Variants in PCBD2 observed in about 807,000 individuals in gnomAD.
PCBD2 encodes the protein pterin-4 alpha-carbinolamine dehydratase 2.
In PCBD2, 12 loss-of-function variants were observed where a neutral mutation model predicts 16.4. That is an observed-to-expected ratio of 0.73 (90% CI 0.47 to 1.19). The LOEUF is 1.19. PCBD2 is among the 50% of genes most tolerant of loss of function. The pLI, the probability that PCBD2 is intolerant of heterozygous loss-of-function variation, is 0.00. For missense variants in PCBD2, 138 were observed against 156.8 expected, an observed-to-expected ratio of 0.88 and a Z score of 0.64; for synonymous variants, 58 against 61.8, an observed-to-expected ratio of 0.94 and a Z score of 0.29.
At chr5:134,945,995 G>T (rs1751291339) in intron 2 of PCBD2, among the ~76,000 whole-genome samples, 1 of 151,818 alleles carries the variant, frequency 6.6e-6, no homozygotes, top group Non-Finnish European at 1.5e-5. Context: ...TAGGGTTTAA[G>T]TGCTAAGCTT....
chr5:134,926,523 T>G (rs969185482), intron 2 of PCBD2: 4 of 395,226 alleles, frequency 1.0e-5, no homozygotes, highest in African/African-American at 8.3e-5. Context: ...CTGTTATCCT[T>G]TAAAAGTTGA....
At chr5:134,933,821 T>C (rs1212339664) in intron 2 of PCBD2, among the ~76,000 whole-genome samples, 2 of 152,148 alleles carry the variant, frequency 1.3e-5, no homozygotes, top group Non-Finnish European at 2.9e-5. Flanking sequence ...ATCACCTAGA[T>C]AGAATTGATC....
At chr5:134,944,644 T>A (rs759229060) in intron 2 of PCBD2, among the ~76,000 whole-genome samples, 4 of 152,098 alleles carry the variant, frequency 2.6e-5, no homozygotes, top group Non-Finnish European at 4.4e-5. Context: ...CCATAAATGA[T>A]TTTGAGGGTG....
intron 2 of PCBD2, among the ~76,000 whole-genome samples, chr5:134,910,977 A>G (rs1750762207): frequency 6.6e-6 from 1 of 152,126 alleles, no homozygotes; most frequent in African/African-American, 2.4e-5. Context: ...TTGGAGAGGC[A>G]GGGTCTGGCT....
intron 2 of PCBD2, among the ~76,000 whole-genome samples, chr5:134,956,684 A>G (rs904669367): frequency 9.2e-5 from 14 of 152,160 alleles, no homozygotes; most frequent in African/African-American, 3.4e-4. Context: ...TACATGTGCG[A>G]GTCTCTATTT....
At chr5:134,944,362 C>T (rs1010158170) in intron 2 of PCBD2, among the ~76,000 whole-genome samples, 1 of 152,072 alleles carries the variant, frequency 6.6e-6, no homozygotes, top group African/African-American at 2.4e-5. Flanking sequence ...TTTCTTCTAC[C>T]AAGATTCCTC....
At chr5:134,945,965 T>G (rs1237762145) in intron 2 of PCBD2, among the ~76,000 whole-genome samples, 3 of 152,102 alleles carry the variant, frequency 2.0e-5, no homozygotes, top group Admixed American at 1.3e-4. Flanking sequence ...CCCACCAGAC[T>G]TTGTCTTTGA....
chr5:134,935,929 A>C (rs1402726376), intron 2 of PCBD2, among the ~76,000 whole-genome samples: 1 of 152,162 alleles, frequency 6.6e-6, no homozygotes, highest in African/African-American at 2.4e-5. Context: ...TGCTCTGTTG[A>C]TCTTTCTGGA....
intron 2 of PCBD2, among the ~76,000 whole-genome samples, chr5:134,928,812 A>T (rs1167047483): frequency 6.6e-6 from 1 of 152,190 alleles, no homozygotes; most frequent in East Asian, 1.9e-4. Flanking sequence ...CCTAGGCAAC[A>T]TGACTCCCAG....
At chr5:134,909,303 A>C (rs1036479165) in intron 1 of PCBD2, among the ~76,000 whole-genome samples, 10 of 152,358 alleles carry the variant, frequency 6.6e-5, no homozygotes, top group Admixed American at 4.6e-4. Flanking sequence ...CACCCCACTG[A>C]GGCCAGGGCT....
At chr5:134,943,351 CA>C (rs1751254940) in intron 2 of PCBD2, among the ~76,000 whole-genome samples, 1 of 152,266 alleles carries the variant, frequency 6.6e-6, no homozygotes, top group African/African-American at 2.4e-5. Flanking sequence ...ATCACGGAAA[CA>C]TGAATTAGCA....
chr5:134,942,409 A>T (rs1751240662), intron 2 of PCBD2, among the ~76,000 whole-genome samples: 1 of 152,080 alleles, frequency 6.6e-6, no homozygotes, highest in South Asian at 2.1e-4. Flanking sequence ...ACAGGGCTGC[A>T]GTAAGTACCT....
At chr5:134,925,354 G>A in intron 2 of PCBD2, 1 of 398,430 alleles carries the variant, frequency 2.5e-6, no homozygotes, top group Non-Finnish European at 4.4e-6. Context: ...GGAGGTTGAA[G>A]TAAGAGGTAT....
At chr5:134,930,803 C>T (rs1435040414) in intron 2 of PCBD2, among the ~76,000 whole-genome samples, 1 of 152,206 alleles carries the variant, frequency 6.6e-6, no homozygotes, top group Non-Finnish European at 1.5e-5. Flanking sequence ...CAGGCCTGTT[C>T]GCTGGCTATC....
intron 2 of PCBD2, among the ~76,000 whole-genome samples, chr5:134,955,143 A>G (rs1751400436): frequency 6.6e-6 from 1 of 151,860 alleles, no homozygotes; most frequent in South Asian, 2.1e-4. Flanking sequence ...ATATATATAT[A>G]TATGATTGAA....
At chr5:134,922,955 C>T (rs1210253269) in intron 2 of PCBD2, among the ~76,000 whole-genome samples, 1 of 152,160 alleles carries the variant, frequency 6.6e-6, no homozygotes, top group South Asian at 2.1e-4. Flanking sequence ...GGATTACAGG[C>T]GTGAGCCACC....
chr5:134,941,517 C>A (rs1751227092), intron 2 of PCBD2, among the ~76,000 whole-genome samples: 1 of 152,112 alleles, frequency 6.6e-6, no homozygotes, highest in Admixed American at 6.5e-5. Flanking sequence ...ATTCAGAAGG[C>A]CTGGCTTTTA....
chr5:134,942,998 GTCTT>G (rs1451621262), intron 2 of PCBD2, among the ~76,000 whole-genome samples: 3 of 152,198 alleles, frequency 2.0e-5, no homozygotes, highest in African/African-American at 4.8e-5. Context: ...GACATTTAGA[GTCTT>G]TCTCATGGTT....
chr5:134,949,732 T>C (rs2149539441), intron 2 of PCBD2, among the ~76,000 whole-genome samples: 1 of 152,338 alleles, frequency 6.6e-6, no homozygotes, highest in East Asian at 1.9e-4. Context: ...TGGTGAGACA[T>C]GTAATCATGT....
Sources: gnomAD v4.1 joint callset for allele counts (sites outside exome capture counted in the v4.1 genomes callset) on GRCh38, gnomAD v4.1.1 for gene constraint, MANE v1.5 for transcripts, NCBI Gene and HGNC (gene_info 2026-07-23, HGNC 2026-07-21) for gene names.